WDR20: variants seen among roughly 807,000 people sequenced by gnomAD.
WDR20 encodes the protein WD repeat-containing protein 20.
Under a neutral mutation model 38.7 loss-of-function variants are expected in WDR20, and 3 were observed. The observed-to-expected ratio is 0.08, with a 90% CI of 0.04 to 0.20. The LOEUF (loss-of-function observed/expected upper bound fraction) is 0.20, where lower values mean the gene tolerates loss of function less well. Among genes scored for constraint, WDR20 ranks in the 10% least tolerant of loss-of-function variants. The pLI is 1.00. For synonymous variants in WDR20, 298 were observed against 285.6 expected, an observed-to-expected ratio of 1.04 and a Z score of -0.44; for missense variants, 559 against 727.7, an observed-to-expected ratio of 0.77 and a Z score of 2.67.
At chr14:102,155,823 T>C (rs562862223) in intron 1 of WDR20, among the ~76,000 whole-genome samples, 289 of 152,030 alleles carry the variant, frequency 1.9e-3, no homozygotes, top group Middle Eastern at 6.8e-3. Context: ...TCACCCAGGC[T>C]GGAGTGCAGT....
At chr14:102,149,718 G>A (rs999941105) in intron 1 of WDR20, among the ~76,000 whole-genome samples, 50 of 152,150 alleles carry the variant, frequency 3.3e-4, no homozygotes, top group Non-Finnish European at 5.0e-4. Flanking sequence ...ATTTGAGACG[G>A]AGTCTCACTC....
In WDR20 at chr14:102,209,811, C is replaced by T; in HGVS notation, c.1641C>T (p.Val547=). 1.9e-6 allele frequency: 3 copies of T among 1,613,862 alleles called. No homozygotes were observed. Among genetic ancestry groups the T allele is most frequent in the South Asian group, 1.1e-5 (1 of 91,072 alleles). The change falls in exon 3 of 3, where the codon GTC becomes GTT. Residue 547 remains valine, a synonymous_variant. Transcript: ENST00000342702. This position sits in a 1 kb window ranked among gnomAD's most constrained non-coding sequence, Gnocchi z 6.0. ...TAATATTTCTTGAAGACTGTATAGT[C>T]ACTGCTTGTCAGGAGGGATTTATTT... The part of the protein sequence containing the change: ...TVLIFLEDCI[V]TACQEGFICT...
chr14:102,197,820 C>CAGTG (rs1451522890), intron 2 of WDR20: 2 of 702,608 alleles, frequency 2.8e-6, no homozygotes, highest in Admixed American at 4.0e-5. Context: ...GTAGCAAGAC[C>CAGTG]AGTGAGGAGG....
chr14:102,204,189 C>T (rs1401061350), intron 2 of WDR20, among the ~76,000 whole-genome samples: 2 of 152,038 alleles, frequency 1.3e-5, no homozygotes, highest in African/African-American at 2.4e-5. Context: ...CCCGTCTGTT[C>T]CCCTGGCACT....
At chr14:102,144,196 AGTGGGG>A in intron 1 of WDR20, among the ~76,000 whole-genome samples, 1 of 151,932 alleles carries the variant, frequency 6.6e-6, no homozygotes, top group Admixed American at 6.6e-5. Context: ...AAAAAAGGGG[AGTGGGG>A]CTATGCGCCA....
intron 2 of WDR20, among the ~76,000 whole-genome samples, chr14:102,197,115 G>A (rs1419348322): frequency 6.6e-6 from 1 of 152,152 alleles, no homozygotes; most frequent in Non-Finnish European, 1.5e-5. Flanking sequence ...GCCTCTACAG[G>A]GAGGGTGGGG....
chr14:102,140,759 C>T (rs571468746), intron 1 of WDR20, among the ~76,000 whole-genome samples: 1 of 152,212 alleles, frequency 6.6e-6, no homozygotes, highest in Non-Finnish European at 1.5e-5. Flanking sequence ...CCAAAAACAT[C>T]CGCGGGAGGA....
At chr14:102,175,291 A>G (rs929276038) in intron 1 of WDR20, among the ~76,000 whole-genome samples, 1 of 152,186 alleles carries the variant, frequency 6.6e-6, no homozygotes, top group Non-Finnish European at 1.5e-5. Context: ...TCCCAGCACC[A>G]TTCATTGAAT....
At chr14:102,175,883 A>C (rs1566923300) in intron 1 of WDR20, among the ~76,000 whole-genome samples, 1 of 152,150 alleles carries the variant, frequency 6.6e-6, no homozygotes. Context: ...AGAGCCACTA[A>C]CTTGTGTACA....
At chr14:102,213,909 CG>C (rs1398295735), downstream of WDR20, 4 of 985,304 alleles carry the variant, frequency 4.1e-6, no homozygotes, top group African/African-American at 7.0e-5. Flanking sequence ...TGACTGCCCA[CG>C]GAAGAACTAG....
chr14:102,150,651 C>T (rs2055468588), intron 1 of WDR20, among the ~76,000 whole-genome samples: 1 of 152,086 alleles, frequency 6.6e-6, no homozygotes, highest in South Asian at 2.1e-4. Context: ...ATTCTCTTTA[C>T]TTACTTGGAT....
chr14:102,213,928 TCAC>T (rs1454596655), downstream of WDR20: 1 of 985,294 alleles, frequency 1.0e-6, no homozygotes, highest in Non-Finnish European at 1.2e-6. Context: ...TAGAAGCAGT[TCAC>T]CAGTGGATTT....
intron 2 of WDR20, among the ~76,000 whole-genome samples, chr14:102,196,687 C>G (rs558040281): frequency 6.6e-6 from 1 of 152,138 alleles, no homozygotes; most frequent in Non-Finnish European, 1.5e-5. Flanking sequence ...ACCACACGTC[C>G]CCAGAATCTC....
At chr14:102,153,304 TTTC>T (rs1415024526) in intron 1 of WDR20, among the ~76,000 whole-genome samples, 2 of 82,562 alleles carry the variant, frequency 2.4e-5, no homozygotes, top group Admixed American at 1.8e-4. Flanking sequence ...GTGAAACCTC[TTTC>T]TTTTTTTTTT....
intron 1 of WDR20, among the ~76,000 whole-genome samples, chr14:102,144,639 C>T (rs1013389379): frequency 6.6e-6 from 1 of 152,082 alleles, no homozygotes; most frequent in Admixed American, 6.6e-5. Context: ...ATCACTTCCT[C>T]AGGAAATTTT....
intron 1 of WDR20, among the ~76,000 whole-genome samples, chr14:102,186,991 G>A (rs1283691851): frequency 6.6e-6 from 1 of 151,896 alleles, no homozygotes; most frequent in African/African-American, 2.4e-5. Flanking sequence ...CTGCGGAACA[G>A]TCTTTGCAGT....
intron 1 of WDR20, among the ~76,000 whole-genome samples, chr14:102,179,453 A>G (rs899256452): frequency 1.4e-5 from 2 of 147,308 alleles, no homozygotes; most frequent in African/African-American, 5.3e-5. Flanking sequence ...AAAAAAAAAA[A>G]AAGAAAGAAA....
chr14:102,222,496 A>T lies in WDR20; in HGVS notation c.1693-334A>T, dbSNP rs536372546. Among the ~76,000 whole-genome samples the T allele has an allele frequency of 3.3e-5, 5 of 152,292 alleles. No individual in the cohort carries two copies. Among genetic ancestry groups the T allele is most frequent in the African/African-American group, 9.6e-5 (4 of 41,566 alleles). ...AGGCGCTGAACACCTCCCACGAGGC[A>T]CCTGCACCTTTGGGTCAGCAAAGCT... On this transcript the variant is annotated intron_variant, in intron 3 of 3. Coordinates refer to the WDR20 transcript ENST00000335263. The surrounding 1 kb of genome is among the most constrained non-coding windows in gnomAD (Gnocchi z 4.4).
intron 2 of WDR20, among the ~76,000 whole-genome samples, chr14:102,205,587 A>C (rs1336944158): frequency 6.6e-6 from 1 of 152,174 alleles, no homozygotes; most frequent in African/African-American, 2.4e-5. Flanking sequence ...GCCAGCACCC[A>C]CAGTAGACAC....
Sources: allele counts gnomAD v4.1 joint callset (sites outside exome capture counted in the v4.1 genomes callset), GRCh38; gene constraint gnomAD v4.1.1; non-coding constraint Gnocchi (gnomAD v3.1); transcripts MANE v1.5; gene names NCBI Gene and HGNC (gene_info 2026-07-23, HGNC 2026-07-21).